SAMD3: variants seen among roughly 807,000 people sequenced by gnomAD.
The protein encoded by SAMD3 is sterile alpha motif domain containing 3.
SAMD3 carries 63 observed loss-of-function variants against 58.5 expected under a neutral mutation model. The ratio of observed to expected loss-of-function variants is 1.08; its 90% CI spans 0.88 to 1.33. The LOEUF is 1.33. Among genes scored for constraint, SAMD3 ranks in the 40% most tolerant of loss-of-function variants. The pLI is 0.00. For missense variants in SAMD3, 604 were observed against 608.4 expected (o/e 0.99, Z 0.08); for synonymous variants, 220 against 210.3 (o/e 1.05, Z -0.40).
intron 8 of SAMD3, among the ~76,000 whole-genome samples, chr6:130,159,251 C>T (rs1005819426): frequency 6.6e-5 from 10 of 152,212 alleles, no homozygotes; most frequent in African/African-American, 2.2e-4. Context: ...TCTGCACAAG[C>T]TCTCTGTTTG....
In SAMD3 at chr6:130,175,870, A is replaced by G; in HGVS notation, c.793T>C (p.Phe265Leu). The G allele has an allele frequency of 6.2e-7, 1 of 1,612,570 alleles. No homozygotes were observed. The highest frequency in any genetic ancestry group is 1.3e-5 in the African/African-American group (1 of 74,978). Reference protein sequence around the residue: ...QTRKSLADIRFDEIKLVQIKE... With the variant: ...QTRKSLADIRLDEIKLVQIKE... Reference sequence around the variant, plus strand: ...ATCTGGACAAGTTTAATTTCATCAAATCTTATATCAGCAAGAGATTTCCTT... The same window carrying G: ...ATCTGGACAAGTTTAATTTCATCAAGTCTTATATCAGCAAGAGATTTCCTT... Residue 265 changes from phenylalanine (F) to leucine (L), a missense_variant, in exon 8 of 12, where the codon TTT becomes CTT. Transcript: ENST00000439090.
At chr6:130,288,648 A>G (rs74801689) in intron 2 of SAMD3, among the ~76,000 whole-genome samples, 2,793 of 152,318 alleles carry the variant, frequency 0.018, 82 homozygotes, top group African/African-American at 0.06. Context: ...ATGGAAACTA[A>G]TGTGGATGTT....
intron 2 of SAMD3, among the ~76,000 whole-genome samples, chr6:130,230,233 A>G (rs1033092780): frequency 6.6e-6 from 1 of 152,174 alleles, no homozygotes; most frequent in African/African-American, 2.4e-5. Flanking sequence ...TTTGCATCAC[A>G]ATCCAAAGTA....
chr6:130,215,194 C>A lies in SAMD3; in HGVS notation c.79+1G>T, dbSNP rs1337683485. The stretch of plus-strand genomic sequence containing the variant: ...ATTTTTGGAAAGCATAAACAACTCA[C>A]CTTGAAATCTATGAACTAGCTCTCC... On this transcript the variant is annotated splice_donor_variant, in intron 3 of 11. Coordinates refer to ENST00000439090, the MANE Select transcript of SAMD3 (RefSeq NM_001017373.4). LOFTEE classifies it high-confidence loss of function. The A allele has an allele frequency of 3.2e-6, 5 of 1,557,702 alleles. No homozygotes were observed. The highest frequency in any genetic ancestry group is 2.2e-5 in the East Asian group (1 of 44,526).
chr6:130,172,027 C>T (rs909521691), intron 8 of SAMD3, among the ~76,000 whole-genome samples: 31 of 152,164 alleles, frequency 2.0e-4, no homozygotes, highest in African/African-American at 7.2e-4. Flanking sequence ...ACTAGGATTG[C>T]AACCCCTACT....
intron 2 of SAMD3, among the ~76,000 whole-genome samples, chr6:130,296,904 A>G (rs1200049043): frequency 1.3e-5 from 2 of 152,218 alleles, no homozygotes; most frequent in African/African-American, 4.8e-5. Flanking sequence ...ATTCCTGCCA[A>G]CTCAGGATGA....
chr6:130,228,071 G>A (rs1217115212), intron 2 of SAMD3, among the ~76,000 whole-genome samples: 1 of 152,196 alleles, frequency 6.6e-6, no homozygotes, highest in Non-Finnish European at 1.5e-5. Flanking sequence ...TTTTCATCCT[G>A]ATATAAACCA....
downstream of SAMD3, chr6:130,142,881 G>A (rs921857024): frequency 6.6e-6 from 1 of 152,208 alleles, no homozygotes; most frequent in African/African-American, 2.4e-5. Flanking sequence ...AAAGGAAGAA[G>A]GAGTAATTTG....
intron 1 of SAMD3, among the ~76,000 whole-genome samples, chr6:130,340,385 A>G (rs1010613627): frequency 6.6e-6 from 1 of 151,830 alleles, no homozygotes; most frequent in Non-Finnish European, 1.5e-5. Context: ...TCTGATTTTG[A>G]CTCTCTTGCC....
At chr6:130,182,087 A>AAAC (rs1481977982) in intron 7 of SAMD3, among the ~76,000 whole-genome samples, 1 of 149,346 alleles carries the variant, frequency 6.7e-6, no homozygotes, top group African/African-American at 2.5e-5. Context: ...AAAAAAAAAA[A>AAAC]CCACAAGTTC....
At chr6:130,180,115 T>C (rs1317857705) in intron 7 of SAMD3, among the ~76,000 whole-genome samples, 1 of 149,754 alleles carries the variant, frequency 6.7e-6, no homozygotes, top group Admixed American at 6.7e-5. Flanking sequence ...GTACACGACC[T>C]TTTTTTTTAT....
chr6:130,166,090 G>A (rs903083099), intron 8 of SAMD3, among the ~76,000 whole-genome samples: 5 of 152,174 alleles, frequency 3.3e-5, no homozygotes, highest in African/African-American at 9.7e-5. Flanking sequence ...TGTGCTGGCC[G>A]ATGCTCAGAA....
At chr6:130,270,894 C>A (rs1774534966) in intron 2 of SAMD3, among the ~76,000 whole-genome samples, 1 of 152,150 alleles carries the variant, frequency 6.6e-6, no homozygotes, top group African/African-American at 2.4e-5. Context: ...GTGGAAAATT[C>A]TTAAAAGTGA....
At chr6:130,305,471 T>C (rs184644292) in intron 2 of SAMD3, among the ~76,000 whole-genome samples, 1 of 152,348 alleles carries the variant, frequency 6.6e-6, no homozygotes, top group East Asian at 1.9e-4. Flanking sequence ...GAAATTGTGA[T>C]AGGAATAATA....
intron 8 of SAMD3, among the ~76,000 whole-genome samples, chr6:130,168,700 A>G (rs988934386): frequency 6.6e-6 from 1 of 152,118 alleles, no homozygotes; most frequent in African/African-American, 2.4e-5. Flanking sequence ...ATAGGAAATA[A>G]TTTTTTTCTG....
At chr6:130,246,069 T>C (rs1773534167) in intron 2 of SAMD3, among the ~76,000 whole-genome samples, 1 of 152,064 alleles carries the variant, frequency 6.6e-6, no homozygotes, top group African/African-American at 2.4e-5. Flanking sequence ...GTTGCAAGTA[T>C]CAGAAGCAAT....
intron 2 of SAMD3, among the ~76,000 whole-genome samples, chr6:130,249,548 A>G (rs1337103940): frequency 6.6e-6 from 1 of 152,208 alleles, no homozygotes; most frequent in Non-Finnish European, 1.5e-5. Flanking sequence ...CCCACGGTGT[A>G]TGCTTTTATT....
chr6:130,360,169 A>G (rs1278403888), intron 1 of SAMD3, among the ~76,000 whole-genome samples: 2 of 152,252 alleles, frequency 1.3e-5, no homozygotes, highest in Non-Finnish European at 2.9e-5. Flanking sequence ...ACAATGAGCA[A>G]TAATCCCCAG....
At chr6:130,338,350 G>T (rs1401371672) in intron 1 of SAMD3, among the ~76,000 whole-genome samples, 1 of 152,242 alleles carries the variant, frequency 6.6e-6, no homozygotes, top group Non-Finnish European at 1.5e-5. Context: ...GCTGCAAGGG[G>T]CAGAGCCTTC....
Sources: gnomAD v4.1 joint callset for allele counts (sites outside exome capture counted in the v4.1 genomes callset) on GRCh38, gnomAD v4.1.1 for gene constraint, MANE v1.5 for transcripts, NCBI Gene and HGNC (gene_info 2026-07-23, HGNC 2026-07-21) for gene names.